Variants in IGF2BP2 observed in about 807,000 individuals in gnomAD.
IGF2BP2 encodes insulin-like growth factor 2 mRNA-binding protein 2.
In IGF2BP2, 17 loss-of-function variants were observed where a neutral mutation model predicts 75.8. The ratio of observed to expected loss-of-function variants is 0.22; its 90% confidence interval spans 0.15 to 0.34. IGF2BP2 has a LOEUF of 0.34. Ranked by LOEUF, IGF2BP2 falls within the 10% of genes least tolerant of loss-of-function variation. The pLI, the probability that IGF2BP2 is intolerant of heterozygous loss-of-function variation, is 1.00. For synonymous variants in IGF2BP2, 288 were observed against 295.6 expected, an observed-to-expected ratio of 0.97 and a Z score of 0.26; for missense variants, 516 against 772.4, an observed-to-expected ratio of 0.67 and a Z score of 3.93.
At chr3:185,679,988 C>T (rs1220582054) in intron 7 of IGF2BP2, among the ~76,000 whole-genome samples, 3 of 151,872 alleles carry the variant, frequency 2.0e-5, no homozygotes, top group Non-Finnish European at 4.4e-5. Flanking sequence ...AAAATCAGAG[C>T]AGAGATAAAC....
At chr3:185,756,830 C>T (rs1731684975) in intron 2 of IGF2BP2, among the ~76,000 whole-genome samples, 1 of 152,072 alleles carries the variant, frequency 6.6e-6, no homozygotes, top group Non-Finnish European at 1.5e-5. Context: ...CAAAAATTAG[C>T]CAGGCATGGT....
intron 2 of IGF2BP2, among the ~76,000 whole-genome samples, chr3:185,794,617 G>T (rs1737097879): frequency 6.7e-6 from 1 of 149,788 alleles, no homozygotes. Flanking sequence ...TCAAAACATT[G>T]GCTTTATTTG....
intron 6 of IGF2BP2, 158 bp downstream of exon 6, chr3:185,689,197 T>A (rs1721564469): frequency 1.3e-5 from 9 of 703,672 alleles, no homozygotes; most frequent in Non-Finnish European, 2.1e-5. Context: ...CCCAGCTTGA[T>A]GTTAGTCTGT....
intron 2 of IGF2BP2, among the ~76,000 whole-genome samples, chr3:185,733,257 C>A (rs1728424828): frequency 6.6e-6 from 1 of 152,106 alleles, no homozygotes; most frequent in Admixed American, 6.6e-5. Context: ...TTTCTCAATC[C>A]ATTTCCGTAT....
chr3:185,648,108 G>A (rs1713916617), intron 14 of IGF2BP2, among the ~76,000 whole-genome samples: 1 of 152,210 alleles, frequency 6.6e-6, no homozygotes, highest in African/African-American at 2.4e-5. Flanking sequence ...GTATAAAGCT[G>A]ACTCATTACA....
chr3:185,686,684 C>T (rs1057363271), intron 7 of IGF2BP2, among the ~76,000 whole-genome samples: 1 of 152,116 alleles, frequency 6.6e-6, no homozygotes, highest in Non-Finnish European at 1.5e-5. Context: ...TTCCACTGTA[C>T]TAGCCACATT....
Position 185,773,292 on chromosome 3 carries a change from G to A in IGF2BP2, c.239+49861C>T, listed in dbSNP as rs574174528. On this transcript the variant is annotated intron_variant, in intron 2 of 15. Coordinates refer to ENST00000382199, the MANE Select transcript of IGF2BP2 (RefSeq NM_006548.6). ...AATTCCTACTTGTCTATATTGTTAAGGAGGAATAATCACTATTATAACACT... is the reference window on the plus strand; with the variant it reads ...AATTCCTACTTGTCTATATTGTTAAAGAGGAATAATCACTATTATAACACT... 2.0e-5 allele frequency among the ~76,000 whole-genome samples: 3 copies of A among 152,204 alleles called. No individual in the cohort carries two copies. In the East Asian group the frequency reaches 5.8e-4, roughly 29 times the overall value.
chr3:185,749,679 A>C (rs1032810934), intron 2 of IGF2BP2, among the ~76,000 whole-genome samples: 12 of 152,168 alleles, frequency 7.9e-5, no homozygotes, highest in African/African-American at 2.9e-4. Context: ...TTTTGAGAAA[A>C]AACTTGTTTT....
chr3:185,813,064 GA>G (rs891592766), intron 2 of IGF2BP2, among the ~76,000 whole-genome samples: 2 of 152,162 alleles, frequency 1.3e-5, no homozygotes, highest in African/African-American at 4.8e-5. Context: ...ACACTCTCGT[GA>G]TGTAGAAATA....
chr3:185,755,448 G>T (rs1259289948), intron 2 of IGF2BP2, among the ~76,000 whole-genome samples: 9 of 152,172 alleles, frequency 5.9e-5, no homozygotes, highest in Non-Finnish European at 1.3e-4. Context: ...CCCCACCAGG[G>T]TACTGCCTAG....
intron 2 of IGF2BP2, among the ~76,000 whole-genome samples, chr3:185,700,795 C>A (rs1228748078): frequency 1.3e-5 from 2 of 151,960 alleles, no homozygotes; most frequent in Non-Finnish European, 2.9e-5. Flanking sequence ...AGAGTGCATA[C>A]AATCTAAATA....
At chr3:185,646,297 C>T (rs1713536116) in intron 15 of IGF2BP2, among the ~76,000 whole-genome samples, 1 of 152,138 alleles carries the variant, frequency 6.6e-6, no homozygotes, top group African/African-American at 2.4e-5. Flanking sequence ...GCGGGGGATC[C>T]ACAGTGTGGC....
At chr3:185,767,268 A>G (rs1465057959) in intron 2 of IGF2BP2, among the ~76,000 whole-genome samples, 1 of 152,220 alleles carries the variant, frequency 6.6e-6, no homozygotes, top group African/African-American at 2.4e-5. Context: ...TTTGTGCTTA[A>G]TCTAGCTACT....
chr3:185,679,751 G>C (rs1195548420), intron 7 of IGF2BP2, among the ~76,000 whole-genome samples: 1 of 152,050 alleles, frequency 6.6e-6, no homozygotes, highest in Non-Finnish European at 1.5e-5. Flanking sequence ...TGAGTAGCTG[G>C]GATTACAGGT....
At chr3:185,726,750 T>C (rs1264845524) in intron 2 of IGF2BP2, among the ~76,000 whole-genome samples, 7 of 152,200 alleles carry the variant, frequency 4.6e-5, no homozygotes, top group African/African-American at 1.7e-4. Flanking sequence ...GGAAGTCCAG[T>C]TGGCTAGATT....
At chr3:185,810,265 G>T (rs1739623437) in intron 2 of IGF2BP2, among the ~76,000 whole-genome samples, 1 of 152,076 alleles carries the variant, frequency 6.6e-6, no homozygotes, top group African/African-American at 2.4e-5. Context: ...TAGGCAACTC[G>T]AAGTTTCCTT....
chr3:185,791,133 G>A (rs1193428545), intron 2 of IGF2BP2, among the ~76,000 whole-genome samples: 12 of 152,204 alleles, frequency 7.9e-5, no homozygotes, highest in Non-Finnish European at 1.6e-4. Context: ...CTGTCTAAAG[G>A]GTAGGCACTG....
intron 2 of IGF2BP2, among the ~76,000 whole-genome samples, chr3:185,777,909 T>G (rs1020409815): frequency 6.6e-6 from 1 of 151,830 alleles, no homozygotes; most frequent in Non-Finnish European, 1.5e-5. Context: ...CCCGGCACAG[T>G]GATGCACATC....
intron 2 of IGF2BP2, among the ~76,000 whole-genome samples, chr3:185,760,453 A>G (rs1354753953): frequency 6.6e-6 from 1 of 152,200 alleles, no homozygotes; most frequent in Non-Finnish European, 1.5e-5. Context: ...TTTCTAGCAT[A>G]TTCACAAAGC....
Sources: allele counts gnomAD v4.1 joint callset (sites outside exome capture counted in the v4.1 genomes callset), GRCh38; gene constraint gnomAD v4.1.1; transcripts MANE v1.5; gene names NCBI Gene and HGNC (gene_info 2026-07-23, HGNC 2026-07-21).